Variants in NDUFAF6 observed in about 807,000 individuals in gnomAD.
NDUFAF6 encodes the protein NADH dehydrogenase (ubiquinone) complex I, assembly factor 6.
NDUFAF6 carries 45 observed loss-of-function variants against 40.8 expected under a neutral mutation model. That is an observed-to-expected ratio of 1.10 (90% CI 0.87 to 1.42). The LOEUF (loss-of-function observed/expected upper bound fraction) is 1.42, where lower values mean the gene tolerates loss of function less well. Among genes scored for constraint, NDUFAF6 ranks in the 40% most tolerant of loss-of-function variants. The pLI, the probability that NDUFAF6 is intolerant of heterozygous loss-of-function variation, is 0.00. For missense variants in NDUFAF6, 435 were observed against 418.5 expected (o/e 1.04, Z -0.34); for synonymous variants, 185 against 155.9 (o/e 1.19, Z -1.39).
intron 1 of NDUFAF6, among the ~76,000 whole-genome samples, chr8:94,973,436 C>A (rs112105011): frequency 6.6e-6 from 1 of 151,898 alleles, no homozygotes; most frequent in African/African-American, 2.4e-5. Flanking sequence ...GGGCTGGGTG[C>A]GGTGGCTCAC....
intron 9 of NDUFAF6, among the ~76,000 whole-genome samples, chr8:95,074,769 G>A (rs922309782): frequency 2.0e-5 from 3 of 152,074 alleles, no homozygotes; most frequent in African/African-American, 7.3e-5. Flanking sequence ...TCCCAGATGT[G>A]GATTTTCTCT....
intron 2 of NDUFAF6, chr8:94,984,102 T>G (rs1291078054): frequency 6.6e-6 from 1 of 152,236 alleles, no homozygotes; most frequent in African/African-American, 2.4e-5. Flanking sequence ...AGAATGGACT[T>G]CCAAGCTCCT....
At chr8:94,937,758 A>G (rs1011355607) in intron 1 of NDUFAF6, among the ~76,000 whole-genome samples, 2 of 152,160 alleles carry the variant, frequency 1.3e-5, no homozygotes, top group African/African-American at 4.8e-5. Context: ...CCTTATGTCA[A>G]AATTCCTAAG....
At chr8:94,965,366 A>T (rs547568731) in intron 1 of NDUFAF6, among the ~76,000 whole-genome samples, 1 of 152,232 alleles carries the variant, frequency 6.6e-6, no homozygotes. Flanking sequence ...AGGCTGGGAC[A>T]GGGTGGAGGG....
chr8:94,978,782 T>G (rs897060181), intron 1 of NDUFAF6, among the ~76,000 whole-genome samples: 2 of 151,882 alleles, frequency 1.3e-5, no homozygotes, highest in Non-Finnish European at 2.9e-5. Context: ...CTGTGAGCCA[T>G]CATAGCAAAT....
chr8:94,941,022 T>C, intron 1 of NDUFAF6: 1 of 1,019,596 alleles, frequency 9.8e-7, no homozygotes, highest in Non-Finnish European at 1.5e-6. Flanking sequence ...GGCCCAATGG[T>C]ACCGACAGGA....
chr8:94,973,009 C>T (rs1241699149), intron 1 of NDUFAF6, among the ~76,000 whole-genome samples: 4 of 151,998 alleles, frequency 2.6e-5, no homozygotes, highest in African/African-American at 4.8e-5. Flanking sequence ...CCCAGGAGTT[C>T]GAGGCTCCAG....
chr8:94,904,320 CTTTT>C (rs57749627), intron 1 of NDUFAF6, among the ~76,000 whole-genome samples: 398 of 34,018 alleles, frequency 0.012, 1 homozygote, highest in Middle Eastern at 0.025. Flanking sequence ...ATTTTTTTTG[CTTTT>C]TTTTTTTTTT....
chr8:95,082,089 A>C (rs1178631818), intron 2 of NDUFAF6, among the ~76,000 whole-genome samples: 2 of 151,968 alleles, frequency 1.3e-5, no homozygotes, highest in Admixed American at 1.3e-4. Context: ...AAAAAAAAAA[A>C]CTCCTGTTGT....
intron 7 of NDUFAF6, among the ~76,000 whole-genome samples, chr8:95,049,642 T>TG (rs1831209128): frequency 6.6e-6 from 1 of 152,164 alleles, no homozygotes; most frequent in Non-Finnish European, 1.5e-5. Flanking sequence ...CTTTTGCACT[T>TG]GCTGTTTTTC....
In NDUFAF6 at chr8:94,962,722, C is replaced by T. The variant is rs188118494; in HGVS notation, c.-199+4543C>T. ...CCAACTCCTGGACTCAAGTGATCCT[C>T]CCACCTTGGCTTCCCAAATTGCTTT... is the stretch of plus-strand genomic sequence containing the variant. On this transcript the variant is annotated intron_variant, in intron 1 of 9. Coordinates refer to the NDUFAF6 transcript ENST00000396111. 1.6e-4 allele frequency among the ~76,000 whole-genome samples: 25 copies of T among 152,090 alleles called. No individual in the cohort carries two copies. In the East Asian group the frequency reaches 4.4e-3, roughly 27 times the overall value.
chr8:95,010,995 G>A (rs953434943), intron 2 of NDUFAF6, among the ~76,000 whole-genome samples: 6 of 152,220 alleles, frequency 3.9e-5, no homozygotes, highest in Non-Finnish European at 8.8e-5. Flanking sequence ...TCTGTGCGGC[G>A]GAAATGTCTA....
chr8:95,020,243 C>G (rs7832411), upstream of NDUFAF6, among the ~76,000 whole-genome samples: 1 of 152,158 alleles, frequency 6.6e-6, no homozygotes, highest in Non-Finnish European at 1.5e-5. Context: ...ACCCAAAAAG[C>G]ATGATGCATT....
At chr8:95,113,568 G>A (rs534654600) in intron 4 of NDUFAF6, among the ~76,000 whole-genome samples, 1 of 152,336 alleles carries the variant, frequency 6.6e-6, no homozygotes, top group South Asian at 2.1e-4. Flanking sequence ...AGGCTTTCCT[G>A]CATTGACTCT....
intron 1 of NDUFAF6, 25 bp downstream of exon 1, chr8:95,025,230 C>G: frequency 7.2e-7 from 1 of 1,380,680 alleles, no homozygotes; most frequent in Non-Finnish European, 9.3e-7. Flanking sequence ...CCTTCCCTGG[C>G]GCGGCGGGAA....
chr8:95,085,936 T>A (rs916847764), intron 2 of NDUFAF6, among the ~76,000 whole-genome samples: 1 of 152,210 alleles, frequency 6.6e-6, no homozygotes, highest in South Asian at 2.1e-4. Context: ...TGATCTATTC[T>A]CCTAGTATTT....
At chr8:95,043,839 C>T (rs193221762) in intron 4 of NDUFAF6, among the ~76,000 whole-genome samples, 148 of 152,190 alleles carry the variant, frequency 9.7e-4, no homozygotes, top group South Asian at 1.7e-3. Context: ...ACTTTTTCTT[C>T]GAAGAGATAA....
downstream of NDUFAF6, among the ~76,000 whole-genome samples, chr8:95,117,980 C>G (rs573616505): frequency 1.5e-4 from 23 of 152,328 alleles, no homozygotes; most frequent in African/African-American, 5.5e-4. Flanking sequence ...TCTGTGTCGG[C>G]TGACTGGGCT....
chr8:95,048,431 A>C, intron 6 of NDUFAF6, 26 bp from the exon 7 acceptor site: 3 of 1,534,336 alleles, frequency 2.0e-6, no homozygotes, highest in Non-Finnish European at 2.7e-6. Context: ...TTAGGTTCCT[A>C]ATATAATGTA....
Sources: gnomAD v4.1 joint callset for allele counts (sites outside exome capture counted in the v4.1 genomes callset) on GRCh38, gnomAD v4.1.1 for gene constraint, MANE v1.5 for transcripts, NCBI Gene and HGNC (gene_info 2026-07-23, HGNC 2026-07-21) for gene names.